WASF1: variants seen among roughly 807,000 people sequenced by gnomAD.
WASF1 encodes the protein actin-binding protein WASF1.
Under a neutral mutation model 50.5 loss-of-function variants are expected in WASF1, and 7 were observed. The observed-to-expected ratio is 0.14, with a 90% CI of 0.08 to 0.26. The LOEUF (loss-of-function observed/expected upper bound fraction) is 0.26, where lower values mean the gene tolerates loss of function less well. Among genes scored for constraint, WASF1 ranks in the 10% least tolerant of loss-of-function variants. The pLI is 1.00. For synonymous variants in WASF1, 205 were observed against 244.0 expected, an observed-to-expected ratio of 0.84 and a Z score of 1.49; for missense variants, 470 against 694.7, an observed-to-expected ratio of 0.68 and a Z score of 3.64.
intron 4 of WASF1, among the ~76,000 whole-genome samples, chr6:110,124,217 C>CTCTCTCTCTCT (rs1258259081): frequency 1.5e-5 from 1 of 66,156 alleles, no homozygotes; most frequent in African/African-American, 9.6e-5. Context: ...CTCTCTCTCT[C>CTCTCTCTCTCT]CTCTCTCTCC....
chr6:110,177,879 AAAT>A (rs1262144296), intron 2 of WASF1, among the ~76,000 whole-genome samples: 3 of 152,102 alleles, frequency 2.0e-5, no homozygotes, highest in East Asian at 3.8e-4. Flanking sequence ...ATTTATTTTT[AAAT>A]AATGAGATGT....
At chr6:110,166,949 T>G (rs998856711) in intron 2 of WASF1, among the ~76,000 whole-genome samples, 3 of 151,956 alleles carry the variant, frequency 2.0e-5, no homozygotes, top group Non-Finnish European at 4.4e-5. Flanking sequence ...TAAAGGGCTA[T>G]GCTATCTTAA....
At chr6:110,127,903 A>G (rs1774486803) in intron 3 of WASF1, among the ~76,000 whole-genome samples, 1 of 152,150 alleles carries the variant, frequency 6.6e-6, no homozygotes, top group African/African-American at 2.4e-5. Context: ...TTATCTTATG[A>G]TTTTTAATAA....
At position 110,150,061 on chromosome 6, in the gene WASF1, C is replaced by T. The variant is rs893396045; in HGVS notation, c.-29+10574G>A. On this transcript the variant is annotated intron_variant, in intron 3 of 10. Transcript: ENST00000392589. ...TATTTTGTATTCTCGACAAATTGGCCTCCCAAATTTCACAATACCCTAAAA... is the reference window on the plus strand; with the variant it reads ...TATTTTGTATTCTCGACAAATTGGCTTCCCAAATTTCACAATACCCTAAAA... Among the ~76,000 whole-genome samples the T allele has an allele frequency of 2.6e-5, 4 of 152,196 alleles. No homozygotes were observed. The East Asian group carries it at 5.8e-4, about 22-fold the overall frequency.
chr6:110,123,712 G>A (rs964299527), intron 4 of WASF1, among the ~76,000 whole-genome samples: 4 of 152,174 alleles, frequency 2.6e-5, no homozygotes, highest in Non-Finnish European at 5.9e-5. Flanking sequence ...GGTGTCAAAA[G>A]TTATTTGGTG....
chr6:110,138,916 C>T (rs559877253), intron 3 of WASF1, among the ~76,000 whole-genome samples: 1 of 152,220 alleles, frequency 6.6e-6, no homozygotes, highest in Non-Finnish European at 1.5e-5. Context: ...TTGGGACCCA[C>T]CCTTTTCCAC....
At chr6:110,179,179 C>A (rs894360317) in intron 1 of WASF1, among the ~76,000 whole-genome samples, 7 of 152,302 alleles carry the variant, frequency 4.6e-5, no homozygotes, top group African/African-American at 1.4e-4. Context: ...GCGAGAGCAG[C>A]CCCGGGGCGG....
chr6:110,116,552 C>CAGTAAGG (rs111405565), intron 4 of WASF1, among the ~76,000 whole-genome samples: 4,149 of 151,976 alleles, frequency 0.027, 180 homozygotes, highest in African/African-American at 0.094. Flanking sequence ...TTGAACTGCT[C>CAGTAAGG]AGTAAGGTCT....
intron 4 of WASF1, among the ~76,000 whole-genome samples, chr6:110,117,985 G>C (rs374313985): frequency 3.2e-4 from 48 of 152,146 alleles, no homozygotes; most frequent in African/African-American, 1.1e-3. Flanking sequence ...TCACCACAAG[G>C]CCTGCCTTAC....
At chr6:110,119,598 G>C (rs1046249101) in intron 4 of WASF1, among the ~76,000 whole-genome samples, 5 of 152,052 alleles carry the variant, frequency 3.3e-5, no homozygotes, top group African/African-American at 4.8e-5. Flanking sequence ...CACAGCCAAA[G>C]TCTACCAGAG....
chr6:110,166,895 G>A (rs1056446448), intron 2 of WASF1, among the ~76,000 whole-genome samples: 3 of 151,776 alleles, frequency 2.0e-5, no homozygotes, highest in Non-Finnish European at 2.9e-5. Flanking sequence ...TTTTTTGTGT[G>A]AAAAAAATTT....
At position 110,105,389 on chromosome 6, in the gene WASF1, A is replaced by G; in HGVS notation, c.713+18T>C. 6.3e-7 allele frequency: 1 copy of G among 1,578,216 alleles called. No homozygotes were observed. The stretch of plus-strand genomic sequence containing the variant: ...CCAATGTTTTATCATTTAAAAAAAA[A>G]AACAAAAGTAAAGAAACCTTGTTTC... On this transcript the variant is annotated intron_variant, in intron 8 of 10. Coordinates refer to ENST00000392589, the MANE Select transcript of WASF1 (RefSeq NM_003931.3).
intron 3 of WASF1, among the ~76,000 whole-genome samples, chr6:110,139,157 C>T (rs1775104887): frequency 6.6e-6 from 1 of 152,252 alleles, no homozygotes; most frequent in Non-Finnish European, 1.5e-5. Context: ...ACCACCCGGG[C>T]TTAGCCACAA....
chr6:110,124,814 G>A (rs1205422828), intron 4 of WASF1, among the ~76,000 whole-genome samples: 1 of 152,164 alleles, frequency 6.6e-6, no homozygotes. Flanking sequence ...GGTGGCTGAG[G>A]TACAAGAATT....
intron 3 of WASF1, among the ~76,000 whole-genome samples, chr6:110,134,114 A>G (rs1353886768): frequency 6.6e-6 from 1 of 151,926 alleles, no homozygotes; most frequent in African/African-American, 2.4e-5. Flanking sequence ...ATGGGGTTTC[A>G]CTATGTTGGT....
chr6:110,159,405 G>A (rs1776169054), intron 3 of WASF1, among the ~76,000 whole-genome samples: 2 of 151,882 alleles, frequency 1.3e-5, no homozygotes, highest in African/African-American at 2.4e-5. Flanking sequence ...ATAACCGTGT[G>A]ACACTGCCAG....
chr6:110,173,469 C>G (rs1388232231), intron 2 of WASF1, among the ~76,000 whole-genome samples: 2 of 152,130 alleles, frequency 1.3e-5, no homozygotes, highest in African/African-American at 4.8e-5. Context: ...ACTTTGAAAT[C>G]ACACATATCT....
chr6:110,169,789 A>T (rs1776624397), intron 2 of WASF1, among the ~76,000 whole-genome samples: 1 of 152,196 alleles, frequency 6.6e-6, no homozygotes, highest in Admixed American at 6.5e-5. Context: ...TGAGAATCAT[A>T]CTTCTTCACA....
chr6:110,150,060 C>T (rs540689397), intron 3 of WASF1, among the ~76,000 whole-genome samples: 42 of 152,064 alleles, frequency 2.8e-4, no homozygotes, highest in Non-Finnish European at 5.3e-4. Flanking sequence ...GACAAATTGG[C>T]CTCCCAAATT....
Sources: gnomAD v4.1 joint callset for allele counts (sites outside exome capture counted in the v4.1 genomes callset) on GRCh38, gnomAD v4.1.1 for gene constraint, MANE v1.5 for transcripts, NCBI Gene and HGNC (gene_info 2026-07-23, HGNC 2026-07-21) for gene names.